Variants in UBE3C observed in about 807,000 individuals in gnomAD.
The protein encoded by UBE3C is ubiquitin-protein ligase E3C.
UBE3C carries 42 observed loss-of-function variants against 129.4 expected under a neutral mutation model. The observed-to-expected ratio is 0.32, with a 90% CI of 0.25 to 0.42. UBE3C has a LOEUF of 0.42. UBE3C is among the 10% of genes least tolerant of loss of function. The pLI is 1.00. For missense variants in UBE3C, 1,049 were observed against 1,319.1 expected, an observed-to-expected ratio of 0.80 and a Z score of 3.17; for synonymous variants, 510 against 492.4, an observed-to-expected ratio of 1.04 and a Z score of -0.47.
intron 1 of UBE3C, among the ~76,000 whole-genome samples, chr7:157,155,022 T>C (rs1029741719): frequency 1.3e-5 from 2 of 152,194 alleles, no homozygotes; most frequent in East Asian, 3.8e-4. Flanking sequence ...AAAAACTTTC[T>C]TTTGAACTTG....
chr7:157,216,425 A>T (rs529838601), intron 13 of UBE3C, among the ~76,000 whole-genome samples: 8 of 149,552 alleles, frequency 5.3e-5, no homozygotes, highest in Non-Finnish European at 1.0e-4. Context: ...ATGTCATCGG[A>T]GTTTGTTGTA....
intron 2 of UBE3C, 41 bp from the exon 3 acceptor site, chr7:157,169,007 T>G: frequency 6.5e-7 from 1 of 1,528,854 alleles, no homozygotes; most frequent in Non-Finnish European, 9.1e-7. Context: ...TTTCACTGGA[T>G]TCTGACCAAT....
Position 157,230,128 on chromosome 7 carries a change from C to T in UBE3C, c.2234-952C>T, listed in dbSNP as rs182532601. Among the ~76,000 whole-genome samples, 57 of 150,596 alleles carry T rather than the reference C, an allele frequency of 3.8e-4. No homozygotes were observed. In the East Asian group the frequency reaches 8.5e-3, roughly 22 times the overall value. On this transcript the variant is annotated intron_variant, in intron 17 of 22. Coordinates refer to ENST00000348165, the MANE Select transcript of UBE3C (RefSeq NM_014671.3). ...TTCACCATGTTGGCCAGGCTGGTCT[C>T]GAACTCCTGACCTCAAGGCGATCCG...
chr7:157,196,150 G>GT (rs879343106), intron 10 of UBE3C, among the ~76,000 whole-genome samples: 1 of 152,162 alleles, frequency 6.6e-6, no homozygotes, highest in Non-Finnish European at 1.5e-5. Context: ...TAAGATAGAA[G>GT]GCCGCAAGCC....
Position 157,175,137 on chromosome 7 carries a change from CTTTTTT to C in UBE3C, c.458+119_458+124del, listed in dbSNP as rs56852731. 301 of 252,710 alleles carry C rather than the reference CTTTTTT, an allele frequency of 1.2e-3. 1 individual carries two copies. The highest frequency in any genetic ancestry group is 3.9e-3 in the African/African-American group (95 of 24,234). 15.7% of individuals were successfully genotyped at this position (252,710 alleles called of 1,614,324 possible). Reference sequence around the variant, plus strand: ...TTTCAGAGACAGTGGCTTTTCCATACTTTTTTTTTTTTTTTTTTTTTGAGGTCATGG... The same window carrying C: ...TTTCAGAGACAGTGGCTTTTCCATACTTTTTTTTTTTTTTTGAGGTCATGG... On this transcript the variant is annotated intron_variant, in intron 5 of 22. Coordinates refer to ENST00000348165, the MANE Select transcript of UBE3C (RefSeq NM_014671.3).
At chr7:157,152,541 CCTCA>C (rs1208940022) in intron 1 of UBE3C, among the ~76,000 whole-genome samples, 2 of 152,108 alleles carry the variant, frequency 1.3e-5, no homozygotes, top group Non-Finnish European at 2.9e-5. Flanking sequence ...TCCTTGCGCT[CCTCA>C]CTATTTGTTC....
intron 1 of UBE3C, among the ~76,000 whole-genome samples, chr7:157,141,318 C>G (rs561959740): frequency 6.6e-6 from 1 of 152,176 alleles, no homozygotes; most frequent in Non-Finnish European, 1.5e-5. Context: ...GAAGACCATC[C>G]CCAGCATTCC....
intron 1 of UBE3C, among the ~76,000 whole-genome samples, chr7:157,159,610 G>A (rs893451670): frequency 6.6e-6 from 1 of 152,234 alleles, no homozygotes; most frequent in Non-Finnish European, 1.5e-5. Flanking sequence ...GCTCATGCCT[G>A]TAATACCAGC....
chr7:157,180,407 A>G (rs1359940416), intron 6 of UBE3C, among the ~76,000 whole-genome samples: 4 of 152,218 alleles, frequency 2.6e-5, no homozygotes, highest in Admixed American at 6.5e-5. Context: ...AAGCTTTCAT[A>G]TGAGTTTCAC....
chr7:157,244,060 GTC>G lies in UBE3C; in HGVS notation c.2482-4304_2482-4303del, dbSNP rs200996558. On this transcript the variant is annotated intron_variant, in intron 18 of 22. Coordinates refer to ENST00000348165, the MANE Select transcript of UBE3C (RefSeq NM_014671.3). The stretch of plus-strand genomic sequence containing the variant: ...ATCCTGGCCAACGTGGGGAAACCCT[GTC>G]TCTACTAAAAATACAAAAATTTGCT... 8.9e-3 allele frequency among the ~76,000 whole-genome samples: 1,348 copies of G among 152,222 alleles called. 5 individuals are homozygous for G. The highest frequency in any genetic ancestry group is 0.014 in the Non-Finnish European group (922 of 68,014).
At chr7:157,248,708 G>C in intron 19 of UBE3C, 128 bp downstream of exon 19, 1 of 1,029,462 alleles carries the variant, frequency 9.7e-7, no homozygotes, top group Non-Finnish European at 1.4e-6. Flanking sequence ...GTGGCTGTGA[G>C]TTAGACGTCG....
intron 10 of UBE3C, chr7:157,192,883 G>A (rs1005689729): frequency 2.4e-6 from 2 of 831,952 alleles, no homozygotes; most frequent in Non-Finnish European, 4.0e-6. Context: ...AAAAAGAAGG[G>A]ATTATCAAAG....
At chr7:157,252,383 A>T (rs2116690259) in intron 19 of UBE3C, among the ~76,000 whole-genome samples, 1 of 152,354 alleles carries the variant, frequency 6.6e-6, no homozygotes, top group South Asian at 2.1e-4. Context: ...CAAGCAAAGG[A>T]ATTAAGATAA....
intron 10 of UBE3C, among the ~76,000 whole-genome samples, chr7:157,201,465 T>C (rs1417163989): frequency 7.4e-6 from 1 of 135,898 alleles, no homozygotes; most frequent in African/African-American, 2.7e-5. Flanking sequence ...TTGGGGTAGG[T>C]CTCACAGCCA....
At chr7:157,208,332 T>C (rs966797632) in intron 13 of UBE3C, among the ~76,000 whole-genome samples, 35 of 152,158 alleles carry the variant, frequency 2.3e-4, no homozygotes, top group Non-Finnish European at 1.5e-5. Context: ...TGCTTCTGCC[T>C]CCCATAGTGC....
rs1458951677 is a variant in UBE3C at position 157,216,874 on chromosome 7, C to G, written c.1817C>G (p.Thr606Ser). The change falls in exon 14 of 23, where the codon ACC becomes AGC. Residue 606 changes from threonine to serine, a missense_variant. Transcript: ENST00000348165. ...KRWIQLFKVITNLVKMLKSRD... is the reference protein window; with the variant it reads ...KRWIQLFKVISNLVKMLKSRD... ...TATGTTCTTTCTTTTCAGGTTATCACCAATCTAGTGAAAATGTTGAAGTCC... is the reference window on the plus strand; with the variant it reads ...TATGTTCTTTCTTTTCAGGTTATCAGCAATCTAGTGAAAATGTTGAAGTCC... 1 of 1,613,490 alleles carries G rather than the reference C, an allele frequency of 6.2e-7. No homozygotes were observed. Among genetic ancestry groups the G allele is most frequent in the African/African-American group, 1.3e-5 (1 of 74,874 alleles).
At position 157,139,259 on chromosome 7, in the gene UBE3C, G is replaced by T; in HGVS notation, c.-14G>T. 1 of 1,558,124 alleles carries T rather than the reference G, an allele frequency of 6.4e-7. No homozygotes were observed. On this transcript the variant is annotated 5_prime_UTR_variant, in exon 1 of 23. Coordinates refer to ENST00000348165, the MANE Select transcript of UBE3C (RefSeq NM_014671.3). ...CCGCGGCGGCGCTGCCCGCACATGGGCTAGGCTGCCAGGATGTTCAGCTTC... is the reference window on the plus strand; with the variant it reads ...CCGCGGCGGCGCTGCCCGCACATGGTCTAGGCTGCCAGGATGTTCAGCTTC...
At position 157,201,637 on chromosome 7, in the gene UBE3C, C is replaced by CTTTTTTTTT. The variant is rs10713758; in HGVS notation, c.1332-71_1332-63dup. ...TTGTACGTTGATCTTCAGTGTATCG[C>CTTTTTTTTT]TTTTTTTTTTTTTTTTTTTTTAAGA... On this transcript the variant is annotated intron_variant, in intron 10 of 22. Transcript: ENST00000348165. The CTTTTTTTTT allele has an allele frequency of 4.5e-5, 10 of 223,164 alleles. 2 individuals carry two copies. The highest frequency in any genetic ancestry group is 1.2e-4 in the South Asian group (2 of 16,428). The allele number at this position is 223,164 out of a possible 1,614,324, so 13.8% of individuals were successfully genotyped here.
chr7:157,148,042 C>T (rs569976587), intron 1 of UBE3C, among the ~76,000 whole-genome samples: 2 of 152,178 alleles, frequency 1.3e-5, no homozygotes, highest in Non-Finnish European at 2.9e-5. Context: ...TGATACTGGC[C>T]TTATGGAATG....
Sources: gnomAD v4.1 joint callset for allele counts (sites outside exome capture counted in the v4.1 genomes callset) on GRCh38, gnomAD v4.1.1 for gene constraint, MANE v1.5 for transcripts, NCBI Gene and HGNC (gene_info 2026-07-23, HGNC 2026-07-21) for gene names.